The following ABR variants were observed in gnomAD, a reference collection of about 807,000 sequenced individuals.
ABR encodes active breakpoint cluster region-related protein.
In ABR, 35 loss-of-function variants were observed where a neutral mutation model predicts 107.2. The ratio of observed to expected loss-of-function variants is 0.33; its 90% CI spans 0.25 to 0.43. ABR has a LOEUF of 0.43. Among genes scored for constraint, ABR ranks in the 20% least tolerant of loss-of-function variants. The pLI, the probability that ABR is intolerant of heterozygous loss-of-function variation, is 1.00. For synonymous variants in ABR, 498 were observed against 462.0 expected, an observed-to-expected ratio of 1.08 and a Z score of -1.00; for missense variants, 815 against 1,115.2, an observed-to-expected ratio of 0.73 and a Z score of 3.83.
chr17:1,083,706 A>T, intron 4 of ABR, 79 bp from the exon 5 acceptor site: 1 of 1,179,962 alleles, frequency 8.5e-7, no homozygotes, highest in South Asian at 1.2e-5. Flanking sequence ...AGCTTCACGG[A>T]GCACCGGGAG....
intron 4 of ABR, among the ~76,000 whole-genome samples, chr17:1,086,933 CTT>C (rs112446325): frequency 6.9e-5 from 10 of 145,928 alleles, no homozygotes; most frequent in Non-Finnish European, 3.0e-5. Flanking sequence ...ATAGCAAGAC[CTT>C]TTTTTTTTTT....
In ABR at chr17:1,004,555, A is replaced by G. The variant is rs1300681575; in HGVS notation, c.*1525T>C. The stretch of plus-strand genomic sequence containing the variant: ...CTATAAGTCGAGCCCCTGGAGCTGC[A>G]TCTGCTCTCCTAGGCTGATGGCCCG... On this transcript the variant is annotated 3_prime_UTR_variant, in exon 23 of 23. Transcript: ENST00000302538. The G allele has an allele frequency of 1.3e-5, 2 of 153,308 alleles. No homozygotes were observed. The highest frequency in any genetic ancestry group is 4.8e-5 in the African/African-American group (2 of 41,506). 9.5% of individuals were successfully genotyped at this position (153,308 alleles called of 1,614,324 possible).
chr17:1,033,929 G>T (rs948402229), intron 16 of ABR, among the ~76,000 whole-genome samples: 2 of 150,024 alleles, frequency 1.3e-5, no homozygotes, highest in African/African-American at 4.9e-5. Flanking sequence ...GGAAGGCTCT[G>T]CTCACTCCTC....
intron 1 of ABR, among the ~76,000 whole-genome samples, chr17:1,159,279 C>T (rs554649338): frequency 3.2e-5 from 2 of 62,110 alleles, no homozygotes; most frequent in East Asian, 5.6e-4. Context: ...TACTCACACA[C>T]GGGAGAGGTA....
chr17:1,218,501 G>C (rs1334152952), intron 1 of ABR, among the ~76,000 whole-genome samples: 3 of 152,198 alleles, frequency 2.0e-5, no homozygotes, highest in Non-Finnish European at 2.9e-5. Context: ...GCCCCAGAAA[G>C]AGCTGTGTTC....
upstream of ABR, among the ~76,000 whole-genome samples, chr17:1,180,333 T>C (rs1159732267): frequency 6.6e-6 from 1 of 151,334 alleles, no homozygotes; most frequent in East Asian, 2.0e-4. Flanking sequence ...AAGCGCGGCT[T>C]CGCGGGCGGG....
chr17:1,201,512 G>A (rs2042670777), intron 1 of ABR, among the ~76,000 whole-genome samples: 1 of 152,040 alleles, frequency 6.6e-6, no homozygotes, highest in Non-Finnish European at 1.5e-5. Context: ...ACCTCTCTCC[G>A]GAGGGTAAAA....
In ABR at chr17:1,051,128, C is replaced by G. The variant is rs2032459866; in HGVS notation, c.1562-494G>C. On this transcript the variant is annotated intron_variant, in intron 14 of 22. Transcript: ENST00000302538. The surrounding 1 kb of genome is among the most constrained non-coding windows in gnomAD (Gnocchi z 4.3). The stretch of plus-strand genomic sequence containing the variant: ...CGTTTAGCAGCCCTGCCTCTGGGTC[C>G]TGAATGCTCGGAGCATCCCCTGCCG... 6.6e-6 allele frequency among the ~76,000 whole-genome samples: 1 copy of G among 152,162 alleles called. No homozygotes were observed. Among genetic ancestry groups the G allele is most frequent in the Non-Finnish European group, 1.5e-5 (1 of 68,030 alleles).
At chr17:1,067,326 A>G in intron 9 of ABR, 84 bp from the exon 10 acceptor site, 1 of 1,260,396 alleles carries the variant, frequency 7.9e-7, no homozygotes, top group Non-Finnish European at 1.0e-6. Context: ...CCACAGAACC[A>G]CTGACAGGGG....
intron 2 of ABR, among the ~76,000 whole-genome samples, chr17:1,117,148 C>A (rs2039036884): frequency 7.7e-6 from 1 of 130,698 alleles, no homozygotes; most frequent in Admixed American, 7.6e-5. Context: ...CTGAGTTCCT[C>A]CCAGCGTTAT....
intron 1 of ABR, among the ~76,000 whole-genome samples, chr17:1,134,006 C>T (rs899490183): frequency 7.9e-5 from 12 of 152,208 alleles, no homozygotes; most frequent in Admixed American, 2.0e-4. Flanking sequence ...AGAGGCCGGG[C>T]GCGTGGCTCA....
At chr17:1,221,850 G>A (rs12944251) in intron 1 of ABR, among the ~76,000 whole-genome samples, 75,864 of 152,056 alleles carry the variant, frequency 0.5, 19,518 homozygotes, top group Middle Eastern at 0.56. Context: ...ACCTGGAAAG[G>A]TTGTCTTCCT....
intron 1 of ABR, among the ~76,000 whole-genome samples, chr17:1,152,103 C>T (rs542304130): frequency 6.6e-6 from 1 of 152,170 alleles, no homozygotes; most frequent in African/African-American, 2.4e-5. Context: ...TCCTGGTTAA[C>T]ACGGGGAAAC....
chr17:1,020,486 G>A (rs909796894), intron 16 of ABR, among the ~76,000 whole-genome samples: 1 of 152,222 alleles, frequency 6.6e-6, no homozygotes, highest in Non-Finnish European at 1.5e-5. Context: ...ATGTCCAGGA[G>A]ACGACCAGGT....
intron 16 of ABR, among the ~76,000 whole-genome samples, chr17:1,036,594 G>C (rs966456816): frequency 6.6e-6 from 1 of 152,102 alleles, no homozygotes; most frequent in Non-Finnish European, 1.5e-5. Flanking sequence ...CAGGCTCCAG[G>C]ATGAGAGAGA....
At chr17:1,073,179 CAAAAAAAA>C (rs35495689) in intron 7 of ABR, among the ~76,000 whole-genome samples, 2 of 53,230 alleles carry the variant, frequency 3.8e-5, no homozygotes, top group African/African-American at 7.8e-5. Flanking sequence ...GACTCCGCCT[CAAAAAAAA>C]AAAAAAAAAA....
At position 1,057,033 on chromosome 17, in the gene ABR, G is replaced by C; in HGVS notation, c.1451C>G (p.Thr484Ser). Residue 484 changes from threonine (T) to serine (S), a missense_variant, in exon 13 of 23, where the codon ACT (threonine) becomes AGT (serine). Physicochemically the swap from Thr to Ser is moderately conservative, Grantham distance 58. This residue lies in a region of ABR where 385 missense variants were observed against 596.9 expected (regional missense o/e 0.64). Coordinates refer to ENST00000302538, the MANE Select transcript of ABR (RefSeq NM_021962.5). ...GCTGGTGACAGGAATGTTGTGTACA[G>C]TCCTAAGCTTGAAACAGGATCCTGT... is the stretch of plus-strand genomic sequence containing the variant. Reference protein sequence around the residue: ...VLTGSCFKLRTVHNIPVTSNK... With the variant: ...VLTGSCFKLRSVHNIPVTSNK... 1 of 1,612,880 alleles carries C rather than the reference G, an allele frequency of 6.2e-7. No individual in the cohort carries two copies. The highest frequency in any genetic ancestry group is 8.5e-7 in the Non-Finnish European group (1 of 1,179,054).
intron 3 of ABR, among the ~76,000 whole-genome samples, chr17:1,097,210 T>C (rs2037525697): frequency 6.6e-6 from 1 of 152,276 alleles, no homozygotes; most frequent in South Asian, 2.1e-4. Context: ...ACGGGTGTGT[T>C]GTGGCAGAAA....
intron 9 of ABR, among the ~76,000 whole-genome samples, chr17:1,069,591 GA>G (rs1178607133): frequency 6.6e-6 from 1 of 152,138 alleles, no homozygotes; most frequent in East Asian, 1.9e-4. Context: ...AAAATCGCTT[GA>G]ACCCGGGAGG....
Sources: gnomAD v4.1 joint callset for allele counts (sites outside exome capture counted in the v4.1 genomes callset) on GRCh38, gnomAD v4.1.1 for gene constraint, gnomAD v4.1.1 regional missense constraint, Gnocchi (gnomAD v3.1) non-coding constraint, MANE v1.5 for transcripts, NCBI Gene and HGNC (gene_info 2026-07-23, HGNC 2026-07-21) for gene names.